BLZF1: variants seen among roughly 807,000 people sequenced by gnomAD.
The protein encoded by BLZF1 is golgin-45.
In BLZF1, 39 loss-of-function variants were observed where a neutral mutation model predicts 43.8. The observed-to-expected ratio is 0.89, with a 90% CI of 0.69 to 1.16. BLZF1 has a LOEUF of 1.16. BLZF1 is among the 50% of genes most tolerant of loss of function. BLZF1 has a pLI of 0.00. For missense variants in BLZF1, 449 were observed against 469.8 expected (o/e 0.96, Z 0.41); for synonymous variants, 136 against 159.4 (o/e 0.85, Z 1.11).
At chr1:169,386,965 A>G in intron 6 of BLZF1, 32 bp from the exon 7 acceptor site, 3 of 1,505,240 alleles carry the variant, frequency 2.0e-6, no homozygotes, top group Non-Finnish European at 2.7e-6. Flanking sequence ...TCTATATTGC[A>G]TACTTCTGAC....
chr1:169,373,578 T>C (rs1274693704), intron 2 of BLZF1, among the ~76,000 whole-genome samples: 2 of 152,238 alleles, frequency 1.3e-5, no homozygotes, highest in Non-Finnish European at 2.9e-5. Context: ...TAGTTATTAC[T>C]GAGCGGGAGC....
chr1:169,393,555 C>T (rs915457781), intron 7 of BLZF1, among the ~76,000 whole-genome samples: 2 of 150,638 alleles, frequency 1.3e-5, no homozygotes, highest in Admixed American at 1.3e-4. Context: ...TGCCACGGCA[C>T]TCCAGCCTGG....
At chr1:169,392,148 A>C (rs1654828762), downstream of BLZF1, among the ~76,000 whole-genome samples, 1 of 152,068 alleles carries the variant, frequency 6.6e-6, no homozygotes, top group Admixed American at 6.5e-5. Context: ...GAAAGACTGT[A>C]TTATTAAGAT....
chr1:169,380,676 GT>G (rs1557849333), intron 5 of BLZF1, 67 bp downstream of exon 5: 3 of 1,573,462 alleles, frequency 1.9e-6, no homozygotes, highest in African/African-American at 1.4e-5. Context: ...TGTAGTTTTG[GT>G]TTTTTTGTTT....
At chr1:169,373,589 T>G (rs938878643) in intron 2 of BLZF1, among the ~76,000 whole-genome samples, 4 of 152,192 alleles carry the variant, frequency 2.6e-5, no homozygotes, top group African/African-American at 9.6e-5. Context: ...GAGCGGGAGC[T>G]CTCACGTAAT....
In BLZF1 at chr1:169,368,976, TATTTTA is replaced by T. The variant is rs200291190; in HGVS notation, c.-50-489_-50-484del. Among the ~76,000 whole-genome samples the T allele has an allele frequency of 7.8e-3, 1,196 of 152,360 alleles. 16 individuals are homozygous for T. The highest frequency in any genetic ancestry group is 0.027 in the African/African-American group (1,141 of 41,580). ...TCTCTTTTTACTTTTGGAGCTACAC[TATTTTA>T]ATTTTAACTTTTTATTACCAAAAAA... On this transcript the variant is annotated intron_variant, in intron 1 of 6. Transcript: ENST00000367808.
Position 169,369,531 on chromosome 1 carries a change from T to C in BLZF1, c.9T>C (p.Thr3=), listed in dbSNP as rs1214160251. The C allele has an allele frequency of 1.9e-6, 3 of 1,610,280 alleles. No homozygotes were observed. Among genetic ancestry groups the C allele is most frequent in the Non-Finnish European group, 8.5e-7 (1 of 1,177,614 alleles). MT[T]KNLETKVTVT... ...GTGGTTAAGGTGAAAAAATGACTAC[T>C]AAAAATTTAGAAACCAAAGGTAAGT... is the stretch of plus-strand genomic sequence containing the variant. Residue 3 remains threonine, a synonymous_variant, in exon 2 of 7, where the codon ACT becomes ACC. Transcript: ENST00000367808.
intron 2 of BLZF1, among the ~76,000 whole-genome samples, chr1:169,370,397 C>T (rs1415562076): frequency 6.6e-6 from 1 of 152,128 alleles, no homozygotes; most frequent in Admixed American, 6.6e-5. Flanking sequence ...TTAGTCCTAG[C>T]TGATTTGTCC....
intron 2 of BLZF1, among the ~76,000 whole-genome samples, chr1:169,374,471 G>GTCAA (rs1358543491): frequency 6.6e-6 from 1 of 152,042 alleles, no homozygotes; most frequent in Non-Finnish European, 1.5e-5. Context: ...TAAAAGTAGA[G>GTCAA]TCAATCCCAA....
intron 7 of BLZF1, chr1:169,395,203 C>T (rs748777852): frequency 6.2e-7 from 1 of 1,609,832 alleles, no homozygotes; most frequent in Non-Finnish European, 8.5e-7. Context: ...TCCTTCTTAA[C>T]CATCTGTAGA....
chr1:169,369,080 A>G (rs920788174), intron 1 of BLZF1, among the ~76,000 whole-genome samples: 7 of 152,058 alleles, frequency 4.6e-5, no homozygotes, highest in African/African-American at 1.4e-4. Context: ...CCTTTTTGAT[A>G]TGTGTGTGTG....
chr1:169,380,930 G>C (rs1654505501), intron 5 of BLZF1, among the ~76,000 whole-genome samples: 1 of 152,058 alleles, frequency 6.6e-6, no homozygotes, highest in African/African-American at 2.4e-5. Flanking sequence ...GAGTGTACCT[G>C]TCTCTCCTGT....
At chr1:169,380,399 G>T in intron 4 of BLZF1, 82 bp from the exon 5 acceptor site, 28 of 1,279,978 alleles carry the variant, frequency 2.2e-5, no homozygotes, top group Non-Finnish European at 2.8e-5. Context: ...TTCTGAAAGT[G>T]ACAGTCACAA....
rs2271762 is a variant in BLZF1, at chr1:169,378,307, G to A, written c.469-23G>A. 0.047 allele frequency: 75,572 copies of A among 1,601,926 alleles called. 12,351 individuals are homozygous for A. In the East Asian group the frequency reaches 0.67, roughly 14 times the overall value. ...TTAGTGATATTACTTTGAGCTTGTTGTATTGATTACGTTCTCTTCTAGGTA... is the reference window on the plus strand; with the variant it reads ...TTAGTGATATTACTTTGAGCTTGTTATATTGATTACGTTCTCTTCTAGGTA... On this transcript the variant is annotated intron_variant, in intron 3 of 6. Coordinates refer to ENST00000367808, the MANE Select transcript of BLZF1 (RefSeq NM_001320973.2).
intron 2 of BLZF1, among the ~76,000 whole-genome samples, chr1:169,370,775 T>G (rs982117167): frequency 1.1e-4 from 16 of 152,208 alleles, no homozygotes; most frequent in African/African-American, 3.9e-4. Flanking sequence ...TTTTCTACTC[T>G]CATGACTTCA....
chr1:169,371,708 C>T (rs184183565), intron 2 of BLZF1, among the ~76,000 whole-genome samples: 3 of 152,262 alleles, frequency 2.0e-5, no homozygotes, highest in Middle Eastern at 3.4e-3. Flanking sequence ...GAAAGGGAAA[C>T]ATACAGTAAA....
Position 169,387,249 on chromosome 1 carries a change from C to G in BLZF1, c.*67C>G. On this transcript the variant is annotated 3_prime_UTR_variant, in exon 7 of 7. Coordinates refer to ENST00000367808, the MANE Select transcript of BLZF1 (RefSeq NM_001320973.2). ...CCCAAGAGTCATTATTATTTGGGAG[C>G]TGGGGTTCTTACAATGCTAGAAATA... is the stretch of plus-strand genomic sequence containing the variant. 1 of 1,437,500 alleles carries G rather than the reference C, an allele frequency of 7.0e-7. No individual in the cohort carries two copies. The highest frequency in any genetic ancestry group is 9.5e-7 in the Non-Finnish European group (1 of 1,048,718). 89.0% of individuals were successfully genotyped at this position (1,437,500 alleles called of 1,614,324 possible). A position where few individuals can be genotyped will look rare whatever the true frequency, so the allele number is the denominator to read the frequency against.
At chr1:169,382,349 A>C in intron 6 of BLZF1, 68 bp downstream of exon 6, 140 of 1,408,240 alleles carry the variant, frequency 9.9e-5, no homozygotes, top group Non-Finnish European at 1.3e-4. Context: ...GTGACATATC[A>C]TGGAAAGCAT....
Position 169,382,131 on chromosome 1 carries a change from C to G in BLZF1, c.867C>G (p.Pro289=). The part of the protein sequence containing the change: ...REQTYSPSVQ[P]HSTAELALTN... ...AAACTTACTCCCCTAGTGTACAACC[C>G]CACAGCACAGCAGAGCTAGCATTAA... The change falls in exon 6 of 7, where the codon CCC becomes CCG. Residue 289 remains proline (P), a synonymous_variant. Transcript: ENST00000367808. The G allele has an allele frequency of 6.2e-7, 1 of 1,613,816 alleles. No homozygotes were observed. The highest frequency in any genetic ancestry group is 1.1e-5 in the South Asian group (1 of 91,070).
Sources: gnomAD v4.1 joint callset for allele counts (sites outside exome capture counted in the v4.1 genomes callset) on GRCh38, gnomAD v4.1.1 for gene constraint, MANE v1.5 for transcripts, NCBI Gene and HGNC (gene_info 2026-07-23, HGNC 2026-07-21) for gene names.